Variants in SCFD2 observed in about 807,000 individuals in gnomAD.
SCFD2 encodes the protein sec1 family domain containing 2, also known as sec1 family domain-containing protein 2.
Under a neutral mutation model 58.9 loss-of-function variants are expected in SCFD2, and 54 were observed. That is an observed-to-expected ratio of 0.92 (90% CI 0.74 to 1.15). The LOEUF is 1.15. SCFD2 is among the 50% of genes most tolerant of loss of function. The pLI, the probability that SCFD2 is intolerant of heterozygous loss-of-function variation, is 0.00. For missense variants in SCFD2, 805 were observed against 836.6 expected (o/e 0.96, Z 0.47); for synonymous variants, 321 against 335.9 (o/e 0.96, Z 0.49).
At chr4:53,287,834 G>C (rs1051321941) in intron 3 of SCFD2, among the ~76,000 whole-genome samples, 1 of 151,972 alleles carries the variant, frequency 6.6e-6, no homozygotes, top group Non-Finnish European at 1.5e-5. Context: ...ATAGACAATT[G>C]AATTAAACCA....
intron 5 of SCFD2, among the ~76,000 whole-genome samples, chr4:53,084,451 A>T (rs777565198): frequency 1.3e-5 from 2 of 152,172 alleles, no homozygotes; most frequent in Non-Finnish European, 2.9e-5. Flanking sequence ...TACTGTTCAC[A>T]CATGTTTTAC....
At chr4:53,087,717 T>C (rs1341722936) in intron 5 of SCFD2, among the ~76,000 whole-genome samples, 4 of 143,738 alleles carry the variant, frequency 2.8e-5, no homozygotes, top group Admixed American at 2.2e-4. Context: ...TGGAGTACAA[T>C]GGCATGATCT....
intron 4 of SCFD2, among the ~76,000 whole-genome samples, chr4:53,240,186 G>T (rs1412071276): frequency 6.6e-6 from 1 of 152,170 alleles, no homozygotes; most frequent in Non-Finnish European, 1.5e-5. Flanking sequence ...ATGAAGTCGG[G>T]CCCAGGTCTG....
intron 1 of SCFD2, among the ~76,000 whole-genome samples, chr4:53,363,397 C>G (rs529536917): frequency 6.6e-6 from 1 of 152,138 alleles, no homozygotes; most frequent in Admixed American, 6.5e-5. Context: ...AGTCTGCCCC[C>G]CTCAGCCTCC....
chr4:53,248,180 C>G (rs924189986), intron 4 of SCFD2, among the ~76,000 whole-genome samples: 9 of 152,178 alleles, frequency 5.9e-5, no homozygotes, highest in Non-Finnish European at 1.0e-4. Context: ...CCTTGAAAAT[C>G]GGGCCACTCC....
chr4:53,340,414 G>C (rs1733827640), intron 2 of SCFD2, among the ~76,000 whole-genome samples: 1 of 152,224 alleles, frequency 6.6e-6, no homozygotes, highest in Admixed American at 6.5e-5. Flanking sequence ...GGCTGGGGAA[G>C]GGGTGCCCAC....
At chr4:53,258,578 A>T (rs1730730965) in intron 4 of SCFD2, among the ~76,000 whole-genome samples, 1 of 115,058 alleles carries the variant, frequency 8.7e-6, no homozygotes, top group Non-Finnish European at 1.8e-5. Context: ...ATATATATAT[A>T]CACACACATA....
At chr4:53,178,790 A>G (rs1448864345) in intron 4 of SCFD2, among the ~76,000 whole-genome samples, 1 of 152,200 alleles carries the variant, frequency 6.6e-6, no homozygotes, top group Admixed American at 6.5e-5. Context: ...TAACCAATGC[A>G]GAGAAGTCCT....
chr4:53,174,856 T>C (rs1207648273), intron 4 of SCFD2, among the ~76,000 whole-genome samples: 1 of 152,186 alleles, frequency 6.6e-6, no homozygotes, highest in Non-Finnish European at 1.5e-5. Context: ...ATTTATTCAG[T>C]ATAGTTAGCA....
At chr4:53,242,169 A>G (rs1334950793) in intron 4 of SCFD2, among the ~76,000 whole-genome samples, 27 of 152,250 alleles carry the variant, frequency 1.8e-4, no homozygotes, top group Admixed American at 1.8e-3. Flanking sequence ...TAGTATGTGC[A>G]AACAAAAATG....
chr4:53,297,502 G>C (rs779619490), intron 3 of SCFD2, among the ~76,000 whole-genome samples: 1 of 151,360 alleles, frequency 6.6e-6, no homozygotes, highest in Non-Finnish European at 1.5e-5. Flanking sequence ...CTTTCCATTT[G>C]CTTGGTAAAT....
At chr4:53,145,218 A>C in intron 5 of SCFD2, 115 bp downstream of exon 5, 1 of 1,324,590 alleles carries the variant, frequency 7.5e-7, no homozygotes, top group Non-Finnish European at 1.0e-6. Context: ...GCCTCATGAA[A>C]TTCCAAACAA....
intron 4 of SCFD2, among the ~76,000 whole-genome samples, chr4:53,266,095 C>T (rs1476381402): frequency 6.6e-6 from 1 of 152,038 alleles, no homozygotes; most frequent in African/African-American, 2.4e-5. Flanking sequence ...ATCAGCCATC[C>T]ATTGCAGAAA....
At chr4:53,107,521 G>C (rs1725040168) in intron 5 of SCFD2, among the ~76,000 whole-genome samples, 4 of 152,086 alleles carry the variant, frequency 2.6e-5, no homozygotes, top group Admixed American at 6.6e-5. Context: ...AAAATAAAGA[G>C]ATGGAGGGAT....
chr4:52,958,219 C>T (rs1016789998), intron 5 of SCFD2: 16 of 152,294 alleles, frequency 1.1e-4, no homozygotes, highest in African/African-American at 2.2e-4. Flanking sequence ...TACACTCATG[C>T]GTAAACATTT....
chr4:53,137,059 C>A (rs1725964014), intron 5 of SCFD2, among the ~76,000 whole-genome samples: 1 of 152,170 alleles, frequency 6.6e-6, no homozygotes, highest in East Asian at 1.9e-4. Context: ...ATACAAGTTT[C>A]CTACCTAATG....
At chr4:52,875,290 T>G (rs1021279743) in intron 8 of SCFD2, among the ~76,000 whole-genome samples, 1 of 151,556 alleles carries the variant, frequency 6.6e-6, no homozygotes, top group Non-Finnish European at 1.5e-5. Context: ...CCAGGACAGA[T>G]TTATCTCTGC....
chr4:52,997,209 C>T (rs568518525), intron 5 of SCFD2, among the ~76,000 whole-genome samples: 1 of 152,320 alleles, frequency 6.6e-6, no homozygotes, highest in South Asian at 2.1e-4. Context: ...TTCCCTTAGG[C>T]TCCTGCTATG....
At chr4:53,145,141 C>T (rs7697820) in intron 5 of SCFD2, among the ~76,000 whole-genome samples, 192 bp downstream of exon 5, 44,993 of 152,062 alleles carry the variant, frequency 0.3, 7,144 homozygotes, top group Non-Finnish European at 0.35. Flanking sequence ...ATCCCTGTCC[C>T]CTGATGGCTG....
Sources: gnomAD v4.1 joint callset for allele counts (sites outside exome capture counted in the v4.1 genomes callset) on GRCh38, gnomAD v4.1.1 for gene constraint, MANE v1.5 for transcripts, NCBI Gene and HGNC (gene_info 2026-07-23, HGNC 2026-07-21) for gene names.